Variants in DNAH2 observed in about 807,000 individuals in gnomAD.
DNAH2 encodes the protein axonemal beta dynein heavy chain 2.
DNAH2 carries 323 observed loss-of-function variants against 523.5 expected under a neutral mutation model. That is an observed-to-expected ratio of 0.62 (90% CI 0.56 to 0.68). The LOEUF is 0.68. DNAH2 is among the 30% of genes least tolerant of loss of function. The pLI, the probability that DNAH2 is intolerant of heterozygous loss-of-function variation, is 0.00. For synonymous variants in DNAH2, 2,093 were observed against 2,177.4 expected (o/e 0.96, Z 1.08); for missense variants, 4,907 against 5,701.5 (o/e 0.86, Z 4.49).
chr17:7,807,484 A>G lies in DNAH2; in HGVS notation c.9627A>G (p.Leu3209=). The G allele has an allele frequency of 1.2e-6, 2 of 1,613,602 alleles. No homozygotes were observed. The highest frequency in any genetic ancestry group is 2.2e-5 in the East Asian group (1 of 44,878). ...WVRAMELYGR[L]YRVVEPKRIR... is the part of the protein sequence containing the mutation. ...TCTCCCCACAGCTGTATGGGCGGCT[A>G]TATCGGGTGGTGGAGCCCAAGCGAA... is the stretch of plus-strand genomic sequence containing the variant. Residue 3209 remains leucine, a synonymous_variant, in exon 63 of 86, where the codon CTA becomes CTG. Transcript: ENST00000572933. The surrounding 1 kb of genome is among the most constrained non-coding windows in gnomAD (Gnocchi z 5.6).
intron 24 of DNAH2, 141 bp downstream of exon 24, chr17:7,768,408 C>T: frequency 6.2e-6 from 5 of 803,972 alleles, no homozygotes; most frequent in Non-Finnish European, 9.7e-6. Flanking sequence ...TTTCTCTTTC[C>T]TCTTTTTAAC....
At chr17:7,757,063 C>T (rs1432549906) in intron 12 of DNAH2, 28 bp from the exon 13 acceptor site, 3 of 1,613,398 alleles carry the variant, frequency 1.9e-6, no homozygotes, top group Non-Finnish European at 2.5e-6. Context: ...GTGCGGTCCC[C>T]TCACTGCCTG....
In DNAH2 at chr17:7,816,610, G is replaced by A; in HGVS notation, c.9769G>A (p.Glu3257Lys). The change falls in exon 64 of 86, where the codon GAG (glutamate) becomes AAG (lysine). Residue 3257 changes from glutamate to lysine, a missense_variant. Transcript: ENST00000572933. ...GGAGATGCTAAAGAAACAGTATGAT[G>A]AGAAGCTGGCACAGAAGGAGGAGCT... ...KLEMLKKQYD[E>K]KLAQKEELRK... 1 of 1,614,230 alleles carries A rather than the reference G, an allele frequency of 6.2e-7. No homozygotes were observed. Among genetic ancestry groups the A allele is most frequent in the Non-Finnish European group, 8.5e-7 (1 of 1,180,038 alleles).
intron 3 of DNAH2, among the ~76,000 whole-genome samples, chr17:7,724,163 A>G (rs113863731): frequency 7.0e-4 from 107 of 152,226 alleles, no homozygotes; most frequent in Non-Finnish European, 1.3e-3. Context: ...CCTAGTCATG[A>G]CCATAGTTAC....
In DNAH2 at chr17:7,798,471, G is replaced by T. The variant is rs934623033; in HGVS notation, c.8399-87G>T. ...TGGTGTCGCGTGTATGCTGCGGGGC[G>T]GGGAGGGTTCCTAAATCTCAGAAAA... is the stretch of plus-strand genomic sequence containing the variant. On this transcript the variant is annotated intron_variant, in intron 54 of 85. Transcript: ENST00000572933. The surrounding 1 kb of genome is among the most constrained non-coding windows in gnomAD (Gnocchi z 5.5). 1.5e-5 allele frequency: 24 copies of T among 1,566,496 alleles called. No individual in the cohort carries two copies. The highest frequency in any genetic ancestry group is 2.1e-5 in the Non-Finnish European group (24 of 1,157,692).
intron 27 of DNAH2, 121 bp from the exon 28 acceptor site, chr17:7,771,209 G>T (rs560390161): frequency 2.1e-6 from 3 of 1,425,784 alleles, no homozygotes; most frequent in Non-Finnish European, 2.9e-6. Context: ...GGGCATCTTG[G>T]CCTTTGACTT....
At position 7,758,478 on chromosome 17, in the gene DNAH2, G is replaced by T. The variant is rs774501114; in HGVS notation, c.2052-17G>T. ...AGGGCTTGTCCCCTCTGGATACCAG[G>T]CCTCTCTTATGCACAGGATTATTGC... is the stretch of plus-strand genomic sequence containing the variant. On this transcript the variant is annotated splice_polypyrimidine_tract_variant and intron_variant, in intron 13 of 85. Coordinates refer to ENST00000572933, the MANE Select transcript of DNAH2 (RefSeq NM_020877.5). The T allele has an allele frequency of 5.6e-6, 9 of 1,608,060 alleles. No homozygotes were observed. Among genetic ancestry groups the T allele is most frequent in the Middle Eastern group, 1.7e-4 (1 of 6,014 alleles).
intron 39 of DNAH2, among the ~76,000 whole-genome samples, chr17:7,785,764 A>G (rs1460615324): frequency 6.6e-6 from 1 of 152,222 alleles, no homozygotes; most frequent in Admixed American, 6.5e-5. Context: ...ATCTGTGGCA[A>G]CCAGCACAGT....
intron 12 of DNAH2, among the ~76,000 whole-genome samples, chr17:7,756,460 A>G (rs1169060002): frequency 6.6e-6 from 1 of 151,414 alleles, no homozygotes; most frequent in African/African-American, 2.4e-5. Context: ...TTTTTTGTAG[A>G]GATGGGGGTC....
chr17:7,796,724 G>C, intron 50 of DNAH2, 72 bp downstream of exon 50: 1 of 1,506,798 alleles, frequency 6.6e-7, no homozygotes, highest in South Asian at 1.3e-5. Context: ...CTCAAACTAA[G>C]CCTTAACACT....
chr17:7,755,070 G>GT (rs1349121871), intron 12 of DNAH2: 1 of 260,246 alleles, frequency 3.8e-6, no homozygotes, highest in Non-Finnish European at 7.2e-6. Context: ...GTGGAAACAG[G>GT]TAAGTGCATA....
chr17:7,758,802 T>C, intron 14 of DNAH2, 83 bp from the exon 15 acceptor site: 1 of 1,583,934 alleles, frequency 6.3e-7, no homozygotes, highest in Non-Finnish European at 8.6e-7. Context: ...CCAGTCTAGC[T>C]GGAGAACAAG....
intron 30 of DNAH2, 47 bp from the exon 31 acceptor site, chr17:7,775,977 C>T (rs1220909547): frequency 2.5e-6 from 4 of 1,605,766 alleles, no homozygotes; most frequent in Admixed American, 3.3e-5. Context: ...AGGACCTTGG[C>T]CGTGCCCCCT....
chr17:7,739,909 G>A lies in DNAH2; in HGVS notation c.1347G>A (p.Lys449=), dbSNP rs759490820. ...RAVRGGILDV[K]NTCWHEDYNK... Reference sequence around the variant, plus strand: ...TTCGCGGGGGTATCCTGGATGTCAAGAACACCTGTTGGCATGAAGACTACA... The same window carrying A: ...TTCGCGGGGGTATCCTGGATGTCAAAAACACCTGTTGGCATGAAGACTACA... Residue 449 remains lysine, a synonymous_variant, in exon 9 of 86, where the codon AAG becomes AAA. Coordinates refer to ENST00000572933, the MANE Select transcript of DNAH2 (RefSeq NM_020877.5). 12 of 1,613,848 alleles carry A rather than the reference G, an allele frequency of 7.4e-6. No homozygotes were observed. The African/African-American group carries it at 1.2e-4, about 16-fold the overall frequency.
At chr17:7,779,104 C>A (rs2076536308) in intron 35 of DNAH2, 139 bp from the exon 36 acceptor site, 1 of 906,672 alleles carries the variant, frequency 1.1e-6, no homozygotes, top group African/African-American at 1.7e-5. Context: ...CAACAGTGTA[C>A]TCTGGTGCCC....
At position 7,798,661 on chromosome 17, in the gene DNAH2, C is replaced by T; in HGVS notation, c.8502C>T (p.Asn2834=). 1 of 1,614,124 alleles carries T rather than the reference C, an allele frequency of 6.2e-7. No individual in the cohort carries two copies. The highest frequency in any genetic ancestry group is 8.5e-7 in the Non-Finnish European group (1 of 1,180,026). ...ATGAGTCCTTCCTAGAGGACATCAACAACATCCTCAGCTCAGGCGAGGTGC... is the reference window on the plus strand; with the variant it reads ...ATGAGTCCTTCCTAGAGGACATCAATAACATCCTCAGCTCAGGCGAGGTGC... ...IADESFLEDI[N]NILSSGEVPN... Residue 2834 remains asparagine, a synonymous_variant, in exon 55 of 86, where the codon AAC becomes AAT. Transcript: ENST00000572933. The surrounding 1 kb of genome is among the most constrained non-coding windows in gnomAD (Gnocchi z 5.5).
chr17:7,804,181 G>A, intron 58 of DNAH2, 75 bp from the exon 59 acceptor site: 13 of 1,477,032 alleles, frequency 8.8e-6, no homozygotes, highest in Non-Finnish European at 1.2e-5. Context: ...GACACACGGG[G>A]AAGGTGGACC....
intron 5 of DNAH2, 23 bp downstream of exon 5, chr17:7,733,338 C>G (rs751310471): frequency 3.7e-6 from 6 of 1,611,002 alleles, no homozygotes; most frequent in Non-Finnish European, 5.1e-6. Context: ...ACCGGAGTGA[C>G]TAGTTTCTCC....
chr17:7,799,207 C>T lies in DNAH2; in HGVS notation c.8664C>T (p.Ile2888=), dbSNP rs758667161. ...AACGCGTGCAGAACAACCTGCACAT[C>T]GTGCTCTGCCTCAGCCCCATGGGGG... ...LIERVQNNLH[I]VLCLSPMGDP... Residue 2888 remains isoleucine, a synonymous_variant, in exon 56 of 86, where the codon ATC becomes ATT. Coordinates refer to ENST00000572933, the MANE Select transcript of DNAH2 (RefSeq NM_020877.5). 15 of 1,614,242 alleles carry T rather than the reference C, an allele frequency of 9.3e-6. No homozygotes were observed. The East Asian group carries it at 1.3e-4, about 14-fold the overall frequency.
Sources: gnomAD v4.1 joint callset for allele counts (sites outside exome capture counted in the v4.1 genomes callset) on GRCh38, gnomAD v4.1.1 for gene constraint, Gnocchi (gnomAD v3.1) non-coding constraint, MANE v1.5 for transcripts, NCBI Gene and HGNC (gene_info 2026-07-23, HGNC 2026-07-21) for gene names.